SLC9C1: variants seen among roughly 807,000 people sequenced by gnomAD.
SLC9C1 encodes the protein solute carrier family 9 member C1.
SLC9C1 carries 97 observed loss-of-function variants against 140.9 expected under a neutral mutation model. That is an observed-to-expected ratio of 0.69 (90% confidence interval 0.58 to 0.82). The LOEUF is 0.82. Among genes scored for constraint, SLC9C1 ranks in the 40% least tolerant of loss-of-function variants. The pLI is 0.00. For missense variants in SLC9C1, 1,340 were observed against 1,389.3 expected (o/e 0.96, Z 0.56); for synonymous variants, 440 against 442.6 (o/e 0.99, Z 0.07).
intron 14 of SLC9C1, among the ~76,000 whole-genome samples, chr3:112,219,649 G>A (rs550200408): frequency 7.9e-5 from 12 of 152,140 alleles, no homozygotes; most frequent in Non-Finnish European, 1.6e-4. Flanking sequence ...CACAATCTCA[G>A]CTCACTGCAA....
At chr3:112,271,271 T>C (rs1252351486) in intron 6 of SLC9C1, among the ~76,000 whole-genome samples, 1 of 151,888 alleles carries the variant, frequency 6.6e-6, no homozygotes, top group Non-Finnish European at 1.5e-5. Context: ...AAAGTGACTG[T>C]AGTCAATGAT....
At chr3:112,284,305 C>T (rs1325844737) in intron 2 of SLC9C1, among the ~76,000 whole-genome samples, 1 of 152,158 alleles carries the variant, frequency 6.6e-6, no homozygotes, top group Admixed American at 6.5e-5. Flanking sequence ...GGATTGAAGA[C>T]TAATCAAAAA....
intron 26 of SLC9C1, among the ~76,000 whole-genome samples, chr3:112,164,853 A>G (rs2077086207): frequency 6.6e-6 from 1 of 152,150 alleles, no homozygotes; most frequent in Non-Finnish European, 1.5e-5. Flanking sequence ...CCTGGATAAT[A>G]TCCTGCAGAG....
intron 26 of SLC9C1, among the ~76,000 whole-genome samples, chr3:112,166,316 G>A (rs1047236260): frequency 7.5e-4 from 114 of 152,156 alleles, no homozygotes; most frequent in African/African-American, 2.6e-3. Context: ...AGATGAACCC[G>A]GTACCTCAGT....
Position 112,231,152 on chromosome 3 carries a change from TTCTTTCTTTC to T in SLC9C1, c.1572+199_1572+208del, listed in dbSNP as rs1204550306. Among the ~76,000 whole-genome samples, 73 of 140,768 alleles carry T rather than the reference TTCTTTCTTTC, an allele frequency of 5.2e-4. 1 individual carries two copies. Among genetic ancestry groups the T allele is most frequent in the Middle Eastern group, 3.8e-3 (1 of 260 alleles). The allele number at this position is 140,768 out of a possible 152,430, so 92.3% of individuals were successfully genotyped here. On this transcript the variant is annotated intron_variant, in intron 13 of 28. Transcript: ENST00000305815. ...TCTCTCTCTCTTTTTCTCCCTTTCT[TTCTTTCTTTC>T]TCTTTCTTTCTTTTTCTTTCTTTCC...
chr3:112,254,508 A>G (rs987642226), intron 10 of SLC9C1, among the ~76,000 whole-genome samples: 1 of 7,604 alleles, frequency 1.3e-4, no homozygotes, highest in Non-Finnish European at 2.8e-4. Context: ...AGTGAACATG[A>G]AATAAATTTT....
intron 23 of SLC9C1, among the ~76,000 whole-genome samples, chr3:112,176,902 A>G (rs893274029): frequency 3.3e-5 from 5 of 151,056 alleles, no homozygotes; most frequent in South Asian, 2.1e-4. Context: ...CCTAAGGCCT[A>G]TTCTTTCTGG....
chr3:112,168,788 T>A, intron 25 of SLC9C1, 89 bp downstream of exon 25: 10 of 1,249,658 alleles, frequency 8.0e-6, no homozygotes, highest in Non-Finnish European at 1.1e-5. Flanking sequence ...GATGAAAAGC[T>A]TAAGATTATA....
chr3:112,185,968 C>G, intron 20 of SLC9C1: 1 of 1,561,072 alleles, frequency 6.4e-7, no homozygotes, highest in Non-Finnish European at 8.6e-7. Flanking sequence ...GCGACCAGCT[C>G]TCTGCTGCCG....
chr3:112,162,530 A>C (rs1276444230), intron 26 of SLC9C1, among the ~76,000 whole-genome samples: 2 of 152,164 alleles, frequency 1.3e-5, no homozygotes, highest in African/African-American at 4.8e-5. Flanking sequence ...TGAGATAATC[A>C]TGTGGTTTTT....
At chr3:112,176,668 T>C (rs960888307) in intron 23 of SLC9C1, among the ~76,000 whole-genome samples, 3 of 152,214 alleles carry the variant, frequency 2.0e-5, no homozygotes, top group African/African-American at 4.8e-5. Context: ...AAATTGTTGA[T>C]TTTTGTTATA....
At chr3:112,283,843 C>A (rs1386538085) in intron 2 of SLC9C1, among the ~76,000 whole-genome samples, 1,020 of 111,114 alleles carry the variant, frequency 9.2e-3, no homozygotes, top group Middle Eastern at 0.025. Context: ...AATCACTGTG[C>A]AAAAAAAAAA....
intron 20 of SLC9C1, among the ~76,000 whole-genome samples, chr3:112,188,577 A>G (rs1315440356): frequency 6.6e-6 from 1 of 152,048 alleles, no homozygotes; most frequent in Non-Finnish European, 1.5e-5. Flanking sequence ...ATCCTTTTTT[A>G]TGGCTGCATA....
chr3:112,199,572 C>G, intron 19 of SLC9C1, 103 bp from the exon 20 acceptor site: 1 of 821,172 alleles, frequency 1.2e-6, no homozygotes, highest in Non-Finnish European at 1.7e-6. Context: ...GGAATACCGC[C>G]CTCAACACAG....
At chr3:112,144,427 C>T (rs2074725313) in intron 28 of SLC9C1, among the ~76,000 whole-genome samples, 1 of 151,908 alleles carries the variant, frequency 6.6e-6, no homozygotes, top group Non-Finnish European at 1.5e-5. Context: ...TCCTAAAGTG[C>T]TGGAATTACA....
chr3:112,283,212 G>A (rs1399214215), intron 2 of SLC9C1, among the ~76,000 whole-genome samples: 3 of 152,172 alleles, frequency 2.0e-5, no homozygotes, highest in African/African-American at 7.2e-5. Context: ...ACTGGGCATG[G>A]AGGCTCATGC....
At chr3:112,264,770 A>C (rs893908738) in intron 8 of SLC9C1, among the ~76,000 whole-genome samples, 2 of 152,064 alleles carry the variant, frequency 1.3e-5, no homozygotes, top group Admixed American at 1.3e-4. Context: ...CACTGTCTTC[A>C]AGAGTAGAAG....
chr3:112,189,762 C>T (rs562074162), intron 20 of SLC9C1, among the ~76,000 whole-genome samples: 5 of 152,086 alleles, frequency 3.3e-5, no homozygotes, highest in Non-Finnish European at 7.4e-5. Flanking sequence ...TTTTCCAATT[C>T]TGTGAAGAAA....
In SLC9C1 at chr3:112,141,145, G is replaced by T; in HGVS notation, c.*127C>A. On this transcript the variant is annotated 3_prime_UTR_variant, in exon 29 of 29. Coordinates refer to ENST00000305815, the MANE Select transcript of SLC9C1 (RefSeq NM_183061.3). ...AAGGTCCAAATTTCTTTTCTGCTTAGCACCAAGATCATCCACACAGGATCC... is the reference window on the plus strand; with the variant it reads ...AAGGTCCAAATTTCTTTTCTGCTTATCACCAAGATCATCCACACAGGATCC... 9.9e-7 allele frequency: 1 copy of T among 1,006,876 alleles called. No individual in the cohort carries two copies. Among genetic ancestry groups the T allele is most frequent in the Non-Finnish European group, 1.4e-6 (1 of 737,092 alleles). The allele number at this position is 1,006,876 out of a possible 1,614,324, so 62.4% of individuals were successfully genotyped here.
Sources: gnomAD v4.1 joint callset for allele counts (sites outside exome capture counted in the v4.1 genomes callset) on GRCh38, gnomAD v4.1.1 for gene constraint, MANE v1.5 for transcripts, NCBI Gene and HGNC (gene_info 2026-07-23, HGNC 2026-07-21) for gene names.